The following LRP2 variants were observed in gnomAD, a reference collection of about 807,000 sequenced individuals.
The protein encoded by LRP2 is low-density lipoprotein receptor-related protein 2.
In LRP2, 172 loss-of-function variants were observed where a neutral mutation model predicts 531.0. The observed-to-expected ratio is 0.32, with a 90% confidence interval of 0.29 to 0.37. LRP2 has a LOEUF of 0.37. LRP2 is among the 10% of genes least tolerant of loss of function. LRP2 has a pLI of 1.00. For synonymous variants in LRP2, 1,992 were observed against 2,027.6 expected (o/e 0.98, Z 0.47); for missense variants, 5,167 against 5,868.3 (o/e 0.88, Z 3.90).
chr2:169,361,349 TG>T (rs1686148712), intron 1 of LRP2, among the ~76,000 whole-genome samples: 1 of 26,868 alleles, frequency 3.7e-5, no homozygotes, highest in African/African-American at 1.6e-4. Flanking sequence ...TGTCTCTCTC[TG>T]TCTCTCTCTC....
At chr2:169,345,981 C>G (rs1348200518) in intron 1 of LRP2, among the ~76,000 whole-genome samples, 1 of 152,216 alleles carries the variant, frequency 6.6e-6, no homozygotes, top group Non-Finnish European at 1.5e-5. Context: ...CACACTTAGA[C>G]CTCCTAAAGG....
intron 63 of LRP2, 82 bp downstream of exon 63, chr2:169,162,389 AG>A: frequency 1.3e-6 from 2 of 1,488,466 alleles, no homozygotes; most frequent in South Asian, 2.3e-5. Flanking sequence ...AAATGTGGTC[AG>A]TGTCTACATT....
chr2:169,286,548 T>C (rs1683863694), intron 9 of LRP2, among the ~76,000 whole-genome samples: 1 of 152,236 alleles, frequency 6.6e-6, no homozygotes, highest in African/African-American at 2.4e-5. Flanking sequence ...TTTCGCTTTG[T>C]GAGAGGCTAT....
chr2:169,180,037 A>G (rs1687370811), intron 52 of LRP2, among the ~76,000 whole-genome samples: 2 of 152,186 alleles, frequency 1.3e-5, no homozygotes, highest in South Asian at 4.1e-4. Flanking sequence ...CAAAAAGTGA[A>G]CAGAATATTG....
chr2:169,182,719 T>C (rs1327716042), intron 50 of LRP2: 1 of 719,366 alleles, frequency 1.4e-6, no homozygotes, highest in Non-Finnish European at 1.7e-6. Flanking sequence ...TGTCTAAGTG[T>C]GTCATTGAAA....
At chr2:169,180,053 C>A (rs1687371648) in intron 52 of LRP2, among the ~76,000 whole-genome samples, 1 of 152,072 alleles carries the variant, frequency 6.6e-6, no homozygotes, top group Non-Finnish European at 1.5e-5. Context: ...TATTGTGTAA[C>A]TAGAAAATTC....
At chr2:169,322,405 T>C (rs1026710202) in intron 1 of LRP2, among the ~76,000 whole-genome samples, 1 of 152,204 alleles carries the variant, frequency 6.6e-6, no homozygotes, top group Non-Finnish European at 1.5e-5. Context: ...TACCGAGTGG[T>C]ACAGGAGTAC....
In LRP2 at chr2:169,239,548, C is replaced by T. The variant is rs769227072; in HGVS notation, c.4273G>A (p.Gly1425Arg). 6.2e-7 allele frequency: 1 copy of T among 1,614,024 alleles called. No individual in the cohort carries two copies. The highest frequency in any genetic ancestry group is 8.5e-7 in the Non-Finnish European group (1 of 1,179,918). ...TTACCTGTAACTTTGCAAGTCCTCC[C>T]ATCACTTTCTAACATGTAGCCTGTA... ...CDTGYMLESD[G>R]RTCKVTASES... Residue 1425 changes from glycine to arginine, a missense_variant, in exon 26 of 79, where the codon GGG becomes AGG. Coordinates refer to ENST00000649046, the MANE Select transcript of LRP2 (RefSeq NM_004525.3).
chr2:169,320,834 C>G lies in LRP2; in HGVS notation c.130G>C (p.Asp44His). 6 of 1,614,150 alleles carry G rather than the reference C, an allele frequency of 3.7e-6. No individual in the cohort carries two copies. The highest frequency in any genetic ancestry group is 5.1e-6 in the Non-Finnish European group (6 of 1,180,006). Reference sequence around the variant, plus strand: ...TCTTTGGTCCCATCACACCTCCAGTCTGCAGGGATGCAATGCCCACTTCCA... The same window carrying G: ...TCTTTGGTCCCATCACACCTCCAGTGTGCAGGGATGCAATGCCCACTTCCA... ...RCGSGHCIPA[D>H]WRCDGTKDCS... Residue 44 changes from aspartate to histidine, a missense_variant, in exon 2 of 79, where the codon GAC becomes CAC. By Grantham distance (81) the Asp-to-His change is moderately conservative. Coordinates refer to ENST00000649046, the MANE Select transcript of LRP2 (RefSeq NM_004525.3).
chr2:169,259,269 T>C (rs1207353069), intron 16 of LRP2, 52 bp from the exon 17 acceptor site: 1 of 1,362,682 alleles, frequency 7.3e-7, no homozygotes, highest in Non-Finnish European at 1.0e-6. Flanking sequence ...TTGTAAGGCA[T>C]CAATTTTCCT....
intron 10 of LRP2, among the ~76,000 whole-genome samples, chr2:169,282,508 G>C (rs1683732099): frequency 6.6e-6 from 1 of 152,176 alleles, no homozygotes; most frequent in Non-Finnish European, 1.5e-5. Flanking sequence ...TCTGTAGATA[G>C]TTGTCGCCTA....
chr2:169,355,858 A>C (rs1488536826), intron 1 of LRP2, among the ~76,000 whole-genome samples: 1 of 152,146 alleles, frequency 6.6e-6, no homozygotes, highest in Non-Finnish European at 1.5e-5. Context: ...TCAATCTCAA[A>C]TGGATCAACC....
Position 169,129,071 on chromosome 2 carries a change from T to C in LRP2, c.13742A>G (p.Asn4581Ser), listed in dbSNP as rs1685194001. ...AADGTQVTKW[N>S]LFKRKSKQTT... The stretch of plus-strand genomic sequence containing the variant: ...TTGTTTAGATTTTCGTTTGAAGAGA[T>C]TCCATTTTGTCACCTAAATGAAAAG... Residue 4581 changes from asparagine to serine, a missense_variant, in exon 78 of 79, where the codon AAT (asparagine) becomes AGT (serine). This residue lies in a region of LRP2 where 348 missense variants were observed against 369.3 expected (regional missense o/e 0.94). Coordinates refer to ENST00000649046, the MANE Select transcript of LRP2 (RefSeq NM_004525.3). The C allele has an allele frequency of 6.2e-7, 1 of 1,609,156 alleles. No homozygotes were observed. The highest frequency in any genetic ancestry group is 1.3e-5 in the African/African-American group (1 of 74,934).
chr2:169,257,317 GAACA>G (rs1690345499), intron 17 of LRP2, 68 bp from the exon 18 acceptor site: 5 of 1,522,122 alleles, frequency 3.3e-6, no homozygotes, highest in East Asian at 2.3e-5. Context: ...CAGAGATTTA[GAACA>G]AACAGAGATT....
At chr2:169,217,859 T>C (rs1306255531) in intron 34 of LRP2, among the ~76,000 whole-genome samples, 1 of 152,190 alleles carries the variant, frequency 6.6e-6, no homozygotes, top group African/African-American at 2.4e-5. Context: ...CACTCAGGTT[T>C]CTCTATTCTG....
At chr2:169,217,962 T>A (rs1428380748) in intron 34 of LRP2, among the ~76,000 whole-genome samples, 1 of 152,058 alleles carries the variant, frequency 6.6e-6, no homozygotes, top group Non-Finnish European at 1.5e-5. Flanking sequence ...CATTTCCTCA[T>A]CCTCCTTCCA....
At chr2:169,274,180 A>C (rs559550229) in intron 14 of LRP2, among the ~76,000 whole-genome samples, 5 of 152,176 alleles carry the variant, frequency 3.3e-5, no homozygotes, top group African/African-American at 1.2e-4. Context: ...CTACCAACGT[A>C]GTGTAGTTTA....
chr2:169,340,979 C>T lies in LRP2; in HGVS notation c.80-20095G>A, dbSNP rs115433692. On this transcript the variant is annotated intron_variant, in intron 1 of 78. Transcript: ENST00000649046. The stretch of plus-strand genomic sequence containing the variant: ...TACTCTTAGCATCAGTGGTCCTGTT[C>T]TATGCCTCTCCCAAAAGGTGGTACT... 3.1e-3 allele frequency among the ~76,000 whole-genome samples: 472 copies of T among 152,288 alleles called. 3 individuals carry two copies. Among genetic ancestry groups the T allele is most frequent in the African/African-American group, 0.011 (448 of 41,566 alleles).
chr2:169,321,022 A>T (rs1684895603), intron 1 of LRP2, 138 bp from the exon 2 acceptor site: 1 of 682,078 alleles, frequency 1.5e-6, no homozygotes, highest in Admixed American at 2.3e-5. Flanking sequence ...TTAGGTAAAC[A>T]TTCTCCCAAT....
Sources: allele counts gnomAD v4.1 joint callset (sites outside exome capture counted in the v4.1 genomes callset), GRCh38; gene constraint gnomAD v4.1.1; regional missense constraint gnomAD v4.1.1; transcripts MANE v1.5; gene names NCBI Gene and HGNC (gene_info 2026-07-23, HGNC 2026-07-21).